The following THEMIS variants were observed in gnomAD, a reference collection of about 807,000 sequenced individuals.
The protein encoded by THEMIS is thymocyte selection associated, also known as protein THEMIS.
Under a neutral mutation model 52.6 loss-of-function variants are expected in THEMIS, and 37 were observed. That is an observed-to-expected ratio of 0.70 (90% CI 0.54 to 0.93). The LOEUF (loss-of-function observed/expected upper bound fraction) is 0.93, where lower values mean the gene tolerates loss of function less well. Among genes scored for constraint, THEMIS ranks in the 40% least tolerant of loss-of-function variants. The pLI is 0.00. For missense variants in THEMIS, 808 were observed against 763.1 expected, an observed-to-expected ratio of 1.06 and a Z score of -0.69; for synonymous variants, 292 against 272.7, an observed-to-expected ratio of 1.07 and a Z score of -0.70.
At chr6:127,730,296 GAAAAGAAAAGAAAAGAAAAGAGAAA>G (rs1188743855) in intron 4 of THEMIS, among the ~76,000 whole-genome samples, 66 of 124,520 alleles carry the variant, frequency 5.3e-4, no homozygotes, top group African/African-American at 1.9e-3. Flanking sequence ...GAAAAGAAAA[GAAAAGAAAAGAAAAGAAAAGAGAAA>G]AAAAGAAAAG....
At position 127,708,691 on chromosome 6, in the gene THEMIS, A is replaced by G. The variant is rs1773872932; in HGVS notation, c.*1294T>C. On this transcript the variant is annotated 3_prime_UTR_variant, in exon 6 of 6. Transcript: ENST00000368248. ...TAAGAAATGATATTACCACAATCAAATCACTAAGCAATTTTTAGGACACTA... is the reference window on the plus strand; with the variant it reads ...TAAGAAATGATATTACCACAATCAAGTCACTAAGCAATTTTTAGGACACTA... 2 of 152,112 alleles carry G rather than the reference A, an allele frequency of 1.3e-5. No individual in the cohort carries two copies. Among genetic ancestry groups the G allele is most frequent in the African/African-American group, 2.4e-5 (1 of 41,450 alleles). 9.4% of individuals were successfully genotyped at this position (152,112 alleles called of 1,614,324 possible).
chr6:127,808,991 A>G lies in THEMIS; in HGVS notation c.1758+3892T>C, dbSNP rs187237283. ...AGATTCTTACTCTTAGATTGCCCAT[A>G]CATCTGTCTGTTACTTAATGCAAGA... On this transcript the variant is annotated intron_variant, in intron 4 of 5. Transcript: ENST00000368248. 2.0e-5 allele frequency among the ~76,000 whole-genome samples: 3 copies of G among 152,332 alleles called. No homozygotes were observed. In the East Asian group the frequency reaches 5.8e-4, roughly 29 times the overall value.
chr6:127,847,920 A>G (rs1479191689), intron 2 of THEMIS, among the ~76,000 whole-genome samples: 2 of 149,552 alleles, frequency 1.3e-5, no homozygotes, highest in African/African-American at 2.4e-5. Flanking sequence ...TATTATTATC[A>G]TTATTATTTT....
At chr6:127,701,173 T>A in the THEMIS span, among the ~76,000 whole-genome samples, 1 of 152,112 alleles carries the variant, frequency 6.6e-6, no homozygotes, top group Non-Finnish European at 1.5e-5. Flanking sequence ...CATAACCAAA[T>A]CAAATGCAAA....
At chr6:127,820,135 C>T (rs960593053) in intron 3 of THEMIS, among the ~76,000 whole-genome samples, 2 of 151,480 alleles carry the variant, frequency 1.3e-5, no homozygotes, top group Non-Finnish European at 2.9e-5. Flanking sequence ...AGGGTAACAA[C>T]TAAAAATGTT....
At chr6:127,867,428 T>C (rs576313044) in intron 1 of THEMIS, among the ~76,000 whole-genome samples, 3 of 152,176 alleles carry the variant, frequency 2.0e-5, no homozygotes, top group Admixed American at 6.6e-5. Context: ...TTTATGTTGC[T>C]TTCTTCAACA....
At chr6:127,833,298 A>G (rs949078021) in intron 2 of THEMIS, among the ~76,000 whole-genome samples, 1 of 152,214 alleles carries the variant, frequency 6.6e-6, no homozygotes, top group African/African-American at 2.4e-5. Flanking sequence ...AATGATTTGC[A>G]GTTGTTATTA....
At chr6:127,820,742 T>G (rs982943041) in intron 3 of THEMIS, among the ~76,000 whole-genome samples, 1 of 152,094 alleles carries the variant, frequency 6.6e-6, no homozygotes, top group Non-Finnish European at 1.5e-5. Context: ...TGCATGAACT[T>G]TGAATTTTTA....
At chr6:127,769,413 G>T (rs993231088) in intron 4 of THEMIS, among the ~76,000 whole-genome samples, 1 of 147,514 alleles carries the variant, frequency 6.8e-6, no homozygotes, top group Admixed American at 6.8e-5. Context: ...CCTACAATAT[G>T]TTCTTTGCTT....
chr6:127,874,265 T>C (rs914217412), intron 1 of THEMIS, among the ~76,000 whole-genome samples: 3 of 152,192 alleles, frequency 2.0e-5, no homozygotes, highest in African/African-American at 7.2e-5. Context: ...AAAATTATTA[T>C]GGTAGAACAA....
rs1218100412 is a variant in THEMIS at position 127,747,094 on chromosome 6, A to T, written c.1759-27271T>A. On this transcript the variant is annotated intron_variant, in intron 4 of 5. Transcript: ENST00000368248. ...GTATATAGATATCTATAATTATATT[A>T]TATATAATTATATATAGATATCTAT... Among the ~76,000 whole-genome samples the T allele has an allele frequency of 1.2e-3, 150 of 125,370 alleles. 4 individuals carry two copies. The highest frequency in any genetic ancestry group is 4.2e-3 in the African/African-American group (143 of 33,822). 82.2% of individuals were successfully genotyped at this position (125,370 alleles called of 152,430 possible).
chr6:127,911,346 C>CTTCA lies in THEMIS; in HGVS notation c.-150+7078_-150+7081dup, dbSNP rs1201465701. 1.3e-5 allele frequency among the ~76,000 whole-genome samples: 2 copies of CTTCA among 150,614 alleles called. 1 individual carries two copies. The highest frequency in any genetic ancestry group is 5.0e-5 in the African/African-American group (2 of 40,280). On this transcript the variant is annotated intron_variant, in intron 1 of 6. Coordinates refer to the THEMIS transcript ENST00000368250. ...TTAAAGGAGATATTTCTGTCTTCTC[C>CTTCA]TTCATTTATTTATTTATTTATTTAT...
intron 3 of THEMIS, among the ~76,000 whole-genome samples, chr6:127,821,356 T>C (rs748484188): frequency 2.0e-5 from 3 of 152,052 alleles, no homozygotes; most frequent in Non-Finnish European, 4.4e-5. Context: ...CCTGAGAGCA[T>C]GAGACTGAGA....
chr6:127,733,613 T>C (rs767380125), intron 4 of THEMIS, among the ~76,000 whole-genome samples: 5 of 152,178 alleles, frequency 3.3e-5, no homozygotes, highest in Non-Finnish European at 7.3e-5. Context: ...GTACCAGCTT[T>C]ACGAGAAAGA....
At chr6:127,710,362 G>C (rs2114449114) in intron 5 of THEMIS, among the ~76,000 whole-genome samples, 1 of 152,066 alleles carries the variant, frequency 6.6e-6, no homozygotes, top group South Asian at 2.1e-4. Flanking sequence ...TGAGGCCTCA[G>C]TGAAGTTGAG....
chr6:127,754,961 C>A (rs1775771022), intron 4 of THEMIS, among the ~76,000 whole-genome samples: 1 of 151,582 alleles, frequency 6.6e-6, no homozygotes, highest in Non-Finnish European at 1.5e-5. Context: ...CATTGGAGAA[C>A]TTTCCCAAGA....
In THEMIS at chr6:127,900,991, GAC is replaced by G. The variant is rs1781120343; in HGVS notation, c.-61_-60del. On this transcript the variant is annotated 5_prime_UTR_variant, in exon 1 of 6. The change abolishes the stop of an existing upstream ORF in the 5' untranslated region. Coordinates refer to ENST00000368248, the MANE Select transcript of THEMIS (RefSeq NM_001010923.3). Reference sequence around the variant, plus strand: ...TCACAGAAACTTGTGGCTTCTGGGTGACACTTGTCTGCAATTGCAGCCCCTGC... The same window carrying G: ...TCACAGAAACTTGTGGCTTCTGGGTGACTTGTCTGCAATTGCAGCCCCTGC... The G allele has an allele frequency of 7.3e-7, 1 of 1,373,482 alleles. No homozygotes were observed. The highest frequency in any genetic ancestry group is 1.4e-5 in the African/African-American group (1 of 70,044). 85.1% of individuals were successfully genotyped at this position (1,373,482 alleles called of 1,614,324 possible). A position where few individuals can be genotyped will look rare whatever the true frequency, so the allele number is the denominator to read the frequency against.
intron 3 of THEMIS, among the ~76,000 whole-genome samples, chr6:127,814,291 C>T (rs1778052072): frequency 6.6e-6 from 1 of 152,094 alleles, no homozygotes; most frequent in South Asian, 2.1e-4. Context: ...CCATAACATA[C>T]ATGAATATAG....
chr6:127,814,102 A>G (rs1778045083), intron 3 of THEMIS, among the ~76,000 whole-genome samples, 171 bp from the exon 4 acceptor site: 1 of 152,202 alleles, frequency 6.6e-6, no homozygotes. Context: ...AAGATGAAAG[A>G]GATTGAATAT....
Sources: gnomAD v4.1 joint callset for allele counts (sites outside exome capture counted in the v4.1 genomes callset) on GRCh38, gnomAD v4.1.1 for gene constraint, MANE v1.5 for transcripts, NCBI Gene and HGNC (gene_info 2026-07-23, HGNC 2026-07-21) for gene names.